The following CSMD1 variants were observed in gnomAD, a reference collection of about 807,000 sequenced individuals.
The protein encoded by CSMD1 is CUB and sushi domain-containing protein 1.
CSMD1 carries 213 observed loss-of-function variants against 417.5 expected under a neutral mutation model. The observed-to-expected ratio is 0.51, with a 90% confidence interval of 0.46 to 0.57. The LOEUF (loss-of-function observed/expected upper bound fraction) is 0.57, where lower values mean the gene tolerates loss of function less well. Among genes scored for constraint, CSMD1 ranks in the 20% least tolerant of loss-of-function variants. The pLI, the probability that CSMD1 is intolerant of heterozygous loss-of-function variation, is 0.00. For missense variants in CSMD1, 6,923 were observed against 4,529.7 expected (o/e 1.53, Z -15.17); for synonymous variants, 2,862 against 1,736.8 (o/e 1.65, Z -16.11).
chr8:3,496,348 G>T lies in CSMD1; in HGVS notation c.1345-2622C>A, dbSNP rs551740293. ...TTCTGCCTGCCCTGCAGAGCTCCCT[G>T]TAAGGATTGAGGGCAGACACCATGT... On this transcript the variant is annotated intron_variant, in intron 10 of 69. Transcript: ENST00000635120. 1.3e-3 allele frequency among the ~76,000 whole-genome samples: 191 copies of T among 152,246 alleles called. 2 individuals are homozygous for T. The highest frequency in any genetic ancestry group is 1.5e-3 in the Non-Finnish European group (102 of 68,016).
chr8:4,546,710 T>C (rs1165689290), intron 2 of CSMD1, among the ~76,000 whole-genome samples: 3 of 152,158 alleles, frequency 2.0e-5, no homozygotes, highest in African/African-American at 7.2e-5. Flanking sequence ...GTCTCCGCCT[T>C]CATAATCATA....
At chr8:4,699,242 T>C (rs1286789794) in intron 1 of CSMD1, among the ~76,000 whole-genome samples, 2 of 152,206 alleles carry the variant, frequency 1.3e-5, no homozygotes, top group African/African-American at 4.8e-5. Context: ...AGGATAACTT[T>C]CAAAGAGTTT....
At chr8:4,250,351 G>C (rs949993114) in intron 3 of CSMD1, among the ~76,000 whole-genome samples, 2 of 152,126 alleles carry the variant, frequency 1.3e-5, no homozygotes, top group Admixed American at 6.5e-5. Flanking sequence ...CAGAATGTGT[G>C]TCCCCTAATG....
intron 5 of CSMD1, among the ~76,000 whole-genome samples, chr8:3,954,071 C>G (rs1216499557): frequency 6.6e-6 from 1 of 152,160 alleles, no homozygotes; most frequent in East Asian, 1.9e-4. Context: ...CGGGACCCCG[C>G]CTCTAGGAAG....
At chr8:3,109,971 T>C (rs1298841258) in intron 43 of CSMD1, among the ~76,000 whole-genome samples, 187 bp downstream of exon 43, 2 of 152,120 alleles carry the variant, frequency 1.3e-5, no homozygotes, top group African/African-American at 2.4e-5. Flanking sequence ...ATTTCTACCA[T>C]GTAGCAAAAC....
At chr8:4,912,033 A>G (rs4128717) in intron 1 of CSMD1, among the ~76,000 whole-genome samples, 1 of 151,730 alleles carries the variant, frequency 6.6e-6, no homozygotes, top group East Asian at 1.9e-4. Context: ...TTATTAAAGG[A>G]AAAAAAGAAG....
chr8:4,259,434 T>A (rs1803718530), intron 3 of CSMD1, among the ~76,000 whole-genome samples: 2 of 152,060 alleles, frequency 1.3e-5, no homozygotes, highest in African/African-American at 2.4e-5. Context: ...CCAGGACCCA[T>A]CCCAGCGCTA....
intron 10 of CSMD1, among the ~76,000 whole-genome samples, chr8:3,517,437 C>A (rs1029542911): frequency 1.3e-5 from 2 of 152,136 alleles, no homozygotes; most frequent in Non-Finnish European, 2.9e-5. Context: ...ACACTCCAAC[C>A]TATGCATTGA....
chr8:4,187,778 T>C (rs7015381), intron 3 of CSMD1, among the ~76,000 whole-genome samples: 25,000 of 151,096 alleles, frequency 0.17, 2,186 homozygotes, highest in East Asian at 0.29. Context: ...TCTCACCATA[T>C]AGTAAAATAG....
At chr8:4,043,128 G>A (rs564577257) in intron 3 of CSMD1, among the ~76,000 whole-genome samples, 65 of 152,102 alleles carry the variant, frequency 4.3e-4, no homozygotes, top group Middle Eastern at 6.8e-3. Flanking sequence ...GTGAGACTCT[G>A]TCTACAAAAC....
At chr8:3,736,860 G>C (rs2466281) in intron 6 of CSMD1, among the ~76,000 whole-genome samples, 94,177 of 152,010 alleles carry the variant, frequency 0.62, 30,869 homozygotes, top group East Asian at 0.72. Context: ...CATATGAATG[G>C]GTGAAAGCCA....
intron 1 of CSMD1, among the ~76,000 whole-genome samples, chr8:4,731,978 G>A (rs1244364585): frequency 2.0e-5 from 3 of 152,102 alleles, no homozygotes; most frequent in South Asian, 2.1e-4. Flanking sequence ...GAATGCCAGC[G>A]TTATGAGAAG....
chr8:4,611,012 T>C (rs1401042375), intron 2 of CSMD1, among the ~76,000 whole-genome samples: 10 of 152,208 alleles, frequency 6.6e-5, no homozygotes, highest in African/African-American at 2.4e-4. Context: ...CTTTTTCCCT[T>C]AGAAATGTAA....
chr8:4,127,200 G>T (rs940784363), intron 3 of CSMD1, among the ~76,000 whole-genome samples: 1 of 152,012 alleles, frequency 6.6e-6, no homozygotes, highest in Non-Finnish European at 1.5e-5. Flanking sequence ...GGAGGTGGCT[G>T]TCCGGCCCCC....
chr8:4,817,431 T>G (rs1392942532), intron 1 of CSMD1, among the ~76,000 whole-genome samples: 1 of 152,358 alleles, frequency 6.6e-6, no homozygotes, highest in East Asian at 1.9e-4. Context: ...GCAAGTGTTT[T>G]CATAGAAGTA....
At chr8:4,925,586 T>G (rs79911340) in intron 1 of CSMD1, among the ~76,000 whole-genome samples, 3,271 of 151,130 alleles carry the variant, frequency 0.022, 75 homozygotes, top group African/African-American at 0.057. Context: ...TCGCTCTGTC[T>G]CCCAGGCTGG....
chr8:4,537,195 A>G (rs561346741), intron 2 of CSMD1, among the ~76,000 whole-genome samples: 11 of 152,332 alleles, frequency 7.2e-5, no homozygotes, highest in African/African-American at 2.4e-4. Context: ...ATATATCAGC[A>G]TTAAAGGGAA....
chr8:4,041,510 G>A (rs1413890703), intron 3 of CSMD1, among the ~76,000 whole-genome samples: 1 of 152,132 alleles, frequency 6.6e-6, no homozygotes, highest in Non-Finnish European at 1.5e-5. Context: ...CCAAACCCCA[G>A]TGAAAGAATG....
Position 4,420,024 on chromosome 8 carries a change from C to G in CSMD1, c.344G>C (p.Gly115Ala), listed in dbSNP as rs759121539. 1.9e-6 allele frequency: 3 copies of G among 1,582,644 alleles called. No individual in the cohort carries two copies. The highest frequency in any genetic ancestry group is 4.6e-5 in the East Asian group (2 of 43,566). Residue 115 changes from glycine (G) to alanine (A), a missense_variant, in exon 3 of 70, where the codon GGA (glycine) becomes GCA (alanine). By Grantham distance (60) the Gly-to-Ala change is moderately conservative. Coordinates refer to ENST00000635120, the MANE Select transcript of CSMD1 (RefSeq NM_033225.6). The stretch of plus-strand genomic sequence containing the variant: ...CGTGAACCACAGAGTGAGGATAGAT[C>G]CTGTACTCACTATAGAGGAGGGCAG... ...FQLPSSIVSTGSILTLWFTTD... is the reference protein window; with the variant it reads ...FQLPSSIVSTASILTLWFTTD...
Sources: allele counts gnomAD v4.1 joint callset (sites outside exome capture counted in the v4.1 genomes callset), GRCh38; gene constraint gnomAD v4.1.1; transcripts MANE v1.5; gene names NCBI Gene and HGNC (gene_info 2026-07-23, HGNC 2026-07-21).